PRKCH: variants seen among roughly 807,000 people sequenced by gnomAD.
PRKCH encodes the protein protein kinase C eta type.
A neutral mutation model predicts 82.5 loss-of-function variants in PRKCH; 28 were observed. The ratio of observed to expected loss-of-function variants is 0.34; its 90% CI spans 0.25 to 0.47. The LOEUF (loss-of-function observed/expected upper bound fraction) is 0.47. Ranked by LOEUF, PRKCH falls within the 20% of genes least tolerant of loss-of-function variation. The probability of loss-of-function intolerance (pLI) is 1.00; values close to 1 mark genes in which losing one functional copy is unlikely to be tolerated. For missense variants in PRKCH, 705 were observed against 881.8 expected, an observed-to-expected ratio of 0.80 and a Z score of 2.54; for synonymous variants, 322 against 327.4, an observed-to-expected ratio of 0.98 and a Z score of 0.18.
rs181171088 is a variant in PRKCH at position 61,350,209 on chromosome 14, C to T, written c.363+27745C>T. Among the ~76,000 whole-genome samples the T allele has an allele frequency of 2.1e-4, 32 of 152,236 alleles. No homozygotes were observed. The East Asian group carries it at 4.4e-3, about 21-fold the overall frequency. ...TTTCCTCCACGTCTCCTCCCCTCTC[C>T]GGAATTTCAGGATTTGGATGCATGT... On this transcript the variant is annotated intron_variant, in intron 1 of 13. Coordinates refer to ENST00000332981, the MANE Select transcript of PRKCH (RefSeq NM_006255.5).
intron 10 of PRKCH, among the ~76,000 whole-genome samples, chr14:61,496,644 C>G (rs529571138): frequency 1.2e-3 from 185 of 152,134 alleles, no homozygotes; most frequent in African/African-American, 3.1e-3. Flanking sequence ...ATAGGCTGTG[C>G]CCCTGTGCAT....
intron 2 of PRKCH, among the ~76,000 whole-genome samples, chr14:61,428,319 G>A (rs1024098705): frequency 2.0e-5 from 3 of 151,968 alleles, no homozygotes; most frequent in Admixed American, 6.6e-5. Flanking sequence ...GGTCTATTCT[G>A]TCGGTTTTAG....
intron 2 of PRKCH, among the ~76,000 whole-genome samples, chr14:61,391,907 C>A (rs1183015066): frequency 6.6e-6 from 1 of 152,172 alleles, no homozygotes; most frequent in Non-Finnish European, 1.5e-5. Flanking sequence ...TTTCCCTGTA[C>A]CCTTTTTCAA....
intron 10 of PRKCH, among the ~76,000 whole-genome samples, chr14:61,520,259 TTTTTTCCTCCTGTCTTTCCTCC>T (rs143281492): frequency 0.019 from 2,938 of 152,246 alleles, 37 homozygotes; most frequent in Middle Eastern, 0.034. Flanking sequence ...CCTCATCTCC[TTTTTTCCTCCTGTCTTTCCTCC>T]TTTTTCCTCC....
At chr14:61,317,261 G>C (rs2045570090), upstream of PRKCH, among the ~76,000 whole-genome samples, 1 of 151,960 alleles carries the variant, frequency 6.6e-6, no homozygotes, top group Non-Finnish European at 1.5e-5. Flanking sequence ...TTCTTCCTCA[G>C]CTCTCACTCT....
intron 2 of PRKCH, among the ~76,000 whole-genome samples, chr14:61,437,062 G>T (rs910429077): frequency 6.6e-6 from 1 of 152,188 alleles, no homozygotes; most frequent in Admixed American, 6.5e-5. Context: ...GGGTGTGCTT[G>T]TTGTAAATAC....
At chr14:61,339,347 G>A (rs544633772) in intron 1 of PRKCH, among the ~76,000 whole-genome samples, 19 of 148,972 alleles carry the variant, frequency 1.3e-4, no homozygotes, top group East Asian at 4.0e-4. Context: ...TTTCCGAGAC[G>A]GAGTCTCACT....
chr14:61,507,760 AG>A (rs1566919949), intron 10 of PRKCH, among the ~76,000 whole-genome samples: 1 of 152,128 alleles, frequency 6.6e-6, no homozygotes, highest in Non-Finnish European at 1.5e-5. Flanking sequence ...GTGGTTGCCA[AG>A]GGTGGTTGGG....
chr14:61,370,604 C>A (rs2046353415), intron 1 of PRKCH, among the ~76,000 whole-genome samples: 1 of 152,122 alleles, frequency 6.6e-6, no homozygotes, highest in Non-Finnish European at 1.5e-5. Flanking sequence ...TTCCTGAAAT[C>A]AGAGTGTAAT....
At chr14:61,248,786 ATG>A (rs2044910797) in intron 1 of PRKCH, among the ~76,000 whole-genome samples, 1 of 66,310 alleles carries the variant, frequency 1.5e-5, no homozygotes, top group East Asian at 3.8e-4. Flanking sequence ...GTATGTATGT[ATG>A]TATGTATGTA....
intron 10 of PRKCH, among the ~76,000 whole-genome samples, chr14:61,522,327 C>T (rs548968931): frequency 6.6e-6 from 1 of 152,076 alleles, no homozygotes; most frequent in African/African-American, 2.4e-5. Flanking sequence ...CCTGTAAAAT[C>T]GAAAATCTAA....
intron 1 of PRKCH, among the ~76,000 whole-genome samples, chr14:61,207,106 C>CAAAAAAAAAA (rs71114196): frequency 1.6e-4 from 8 of 49,160 alleles, no homozygotes; most frequent in East Asian, 8.6e-4. Context: ...AACTCCATCT[C>CAAAAAAAAAA]AAAAAAAAAA....
intron 2 of PRKCH, among the ~76,000 whole-genome samples, chr14:61,393,119 C>A (rs560463694): frequency 5.9e-4 from 90 of 152,220 alleles, no homozygotes; most frequent in African/African-American, 2.2e-3. Context: ...ATCTCTCTTT[C>A]TTTTCTCTAC....
chr14:61,407,065 G>T (rs963786633), intron 2 of PRKCH, among the ~76,000 whole-genome samples: 73 of 152,148 alleles, frequency 4.8e-4, no homozygotes, highest in African/African-American at 1.7e-3. Context: ...CTCAGAAAGG[G>T]AGAACAACAG....
intron 1 of PRKCH, among the ~76,000 whole-genome samples, chr14:61,235,503 A>G (rs1347152584): frequency 6.6e-6 from 1 of 152,186 alleles, no homozygotes; most frequent in Non-Finnish European, 1.5e-5. Flanking sequence ...GGCTCAGGCA[A>G]TCTTACTAGT....
chr14:61,275,820 T>C (rs1444146473), intron 1 of PRKCH, among the ~76,000 whole-genome samples: 1 of 152,180 alleles, frequency 6.6e-6, no homozygotes, highest in African/African-American at 2.4e-5. Flanking sequence ...TTGGGTTTCA[T>C]TGCCACAGGA....
intron 4 of PRKCH, among the ~76,000 whole-genome samples, chr14:61,448,653 G>C (rs1454972809): frequency 1.3e-5 from 2 of 152,140 alleles, no homozygotes; most frequent in African/African-American, 2.4e-5. Flanking sequence ...GATTTGGTTA[G>C]TTGATAGGCA....
At chr14:61,541,944 C>CA (rs2140031884) in intron 12 of PRKCH, among the ~76,000 whole-genome samples, 1 of 152,344 alleles carries the variant, frequency 6.6e-6, no homozygotes, top group South Asian at 2.1e-4. Flanking sequence ...CATCTTGCTG[C>CA]ATTTAGTTTC....
At chr14:61,319,893 CT>C (rs1207538425), upstream of PRKCH, among the ~76,000 whole-genome samples, 2 of 152,250 alleles carry the variant, frequency 1.3e-5, no homozygotes, top group African/African-American at 2.4e-5. Context: ...CCTTTCCCCC[CT>C]GGCCCATTGT....
Sources: allele counts gnomAD v4.1 joint callset (sites outside exome capture counted in the v4.1 genomes callset), GRCh38; gene constraint gnomAD v4.1.1; transcripts MANE v1.5; gene names NCBI Gene and HGNC (gene_info 2026-07-23, HGNC 2026-07-21).